The following ZFHX3 variants were observed in gnomAD, a reference collection of about 807,000 sequenced individuals.
ZFHX3 encodes the protein zinc finger homeobox protein 3.
ZFHX3 carries 42 observed loss-of-function variants against 279.1 expected under a neutral mutation model. The observed-to-expected ratio is 0.15, with a 90% CI of 0.12 to 0.19. ZFHX3 has a LOEUF of 0.19. Among genes scored for constraint, ZFHX3 ranks in the 10% least tolerant of loss-of-function variants. ZFHX3 has a pLI of 1.00. For synonymous variants in ZFHX3, 2,293 were observed against 1,957.8 expected, an observed-to-expected ratio of 1.17 and a Z score of -4.52; for missense variants, 4,981 against 4,754.0, an observed-to-expected ratio of 1.05 and a Z score of -1.40.
intron 5 of ZFHX3, among the ~76,000 whole-genome samples, chr16:72,828,902 G>C: frequency 6.6e-6 from 1 of 151,930 alleles, no homozygotes; most frequent in East Asian, 1.9e-4. Context: ...CGTTGCCCAG[G>C]CTGGTCTCGA....
intron 1 of ZFHX3, among the ~76,000 whole-genome samples, chr16:73,745,443 C>T (rs2053695089): frequency 6.6e-6 from 1 of 152,144 alleles, no homozygotes; most frequent in South Asian, 2.1e-4. Flanking sequence ...GGGTCAGACA[C>T]AAAGGCCCTC....
chr16:73,463,620 C>T (rs2018510364), intron 2 of ZFHX3, among the ~76,000 whole-genome samples: 1 of 151,984 alleles, frequency 6.6e-6, no homozygotes, highest in Non-Finnish European at 1.5e-5. Flanking sequence ...TGGACTTTTT[C>T]CCCGTCGAAC....
At chr16:73,861,622 T>C (rs1370641591) in intron 1 of ZFHX3, among the ~76,000 whole-genome samples, 1 of 152,188 alleles carries the variant, frequency 6.6e-6, no homozygotes, top group Non-Finnish European at 1.5e-5. Context: ...AGTGGGCCAT[T>C]GGCACCATGT....
At chr16:73,369,233 A>C (rs2016580337) in intron 3 of ZFHX3, among the ~76,000 whole-genome samples, 1 of 152,196 alleles carries the variant, frequency 6.6e-6, no homozygotes, top group African/African-American at 2.4e-5. Flanking sequence ...GCATGGATTT[A>C]GTAGGGTTGA....
At chr16:73,260,126 G>A (rs1233424671) in intron 4 of ZFHX3, among the ~76,000 whole-genome samples, 1 of 151,984 alleles carries the variant, frequency 6.6e-6, no homozygotes, top group Non-Finnish European at 1.5e-5. Flanking sequence ...AAGAGCGCTG[G>A]TGAGTTATTT....
chr16:72,796,464 G>A lies in ZFHX3; in HGVS notation c.6218C>T (p.Ser2073Leu). 6.2e-7 allele frequency: 1 copy of A among 1,608,544 alleles called. No individual in the cohort carries two copies. Among genetic ancestry groups the A allele is most frequent in the Non-Finnish European group, 8.5e-7 (1 of 1,179,840 alleles). Reference sequence around the variant, plus strand: ...TGGCTGGGCCGGTGCAATTGTAGGTGAGGTGATGGGTGGGGCTGATGCGGG... The same window carrying A: ...TGGCTGGGCCGGTGCAATTGTAGGTAAGGTGATGGGTGGGGCTGATGCGGG... ...AIPASAPPIT[S>L]PTIAPAQPSV... Residue 2073 changes from serine (S) to leucine (L), a missense_variant, in exon 9 of 10, where the codon TCA becomes TTA. Physicochemically the swap from Ser to Leu is moderately radical, Grantham distance 145. Transcript: ENST00000268489.
intron 2 of ZFHX3, among the ~76,000 whole-genome samples, chr16:73,546,559 G>C (rs1249656607): frequency 6.6e-6 from 1 of 152,024 alleles, no homozygotes; most frequent in African/African-American, 2.4e-5. Context: ...GCTAATGAAA[G>C]CGGCATGCGT....
intron 2 of ZFHX3, among the ~76,000 whole-genome samples, chr16:73,641,623 T>G (rs1312845330): frequency 6.6e-6 from 1 of 151,556 alleles, no homozygotes; most frequent in African/African-American, 2.4e-5. Context: ...GGGGACAGAG[T>G]TGATTCTTAC....
intron 8 of ZFHX3, among the ~76,000 whole-genome samples, chr16:73,080,931 C>A (rs1394879852): frequency 6.6e-6 from 1 of 152,118 alleles, no homozygotes; most frequent in Admixed American, 6.5e-5. Flanking sequence ...AGCTTCAGGT[C>A]TTTTCTAATA....
intron 2 of ZFHX3, among the ~76,000 whole-genome samples, chr16:72,952,797 G>A (rs1961057775): frequency 6.6e-6 from 1 of 152,192 alleles, no homozygotes; most frequent in East Asian, 1.9e-4. Flanking sequence ...ATTTCTACCA[G>A]GAGAATGGCT....
At chr16:73,242,686 C>T (rs1012187622) in intron 5 of ZFHX3, among the ~76,000 whole-genome samples, 1 of 152,198 alleles carries the variant, frequency 6.6e-6, no homozygotes, top group Admixed American at 6.5e-5. Flanking sequence ...GATATATAAA[C>T]CCTAAAGCTT....
intron 1 of ZFHX3, among the ~76,000 whole-genome samples, chr16:73,789,397 G>T (rs752161473): frequency 5.9e-5 from 9 of 151,864 alleles, no homozygotes; most frequent in Non-Finnish European, 1.2e-4. Context: ...AGCCAGGATG[G>T]TCTCTATTTC....
At chr16:73,698,277 A>C (rs2053215904) in intron 1 of ZFHX3, among the ~76,000 whole-genome samples, 1 of 152,228 alleles carries the variant, frequency 6.6e-6, no homozygotes, top group African/African-American at 2.4e-5. Flanking sequence ...AAAATGGAAG[A>C]GAAAAGATAG....
At chr16:73,040,538 G>C (rs560700428) in intron 1 of ZFHX3, among the ~76,000 whole-genome samples, 52 of 152,222 alleles carry the variant, frequency 3.4e-4, no homozygotes, top group African/African-American at 1.2e-3. Context: ...TGCCAGCCTG[G>C]GGAGGGGGAC....
chr16:73,580,692 T>G (rs770654441), intron 2 of ZFHX3, among the ~76,000 whole-genome samples: 15 of 151,806 alleles, frequency 9.9e-5, no homozygotes, highest in Non-Finnish European at 2.1e-4. Context: ...GTGGTTGCTT[T>G]GGGTTTGCTT....
At chr16:73,333,094 A>C (rs1171344257) in intron 3 of ZFHX3, among the ~76,000 whole-genome samples, 4 of 152,218 alleles carry the variant, frequency 2.6e-5, no homozygotes, top group African/African-American at 9.6e-5. Flanking sequence ...AGATAGATAC[A>C]TAGACATGTA....
chr16:73,070,938 G>GCACACACACACA (rs768410525), intron 8 of ZFHX3, among the ~76,000 whole-genome samples: 2 of 22,618 alleles, frequency 8.8e-5, no homozygotes, highest in African/African-American at 1.7e-4. Context: ...GCGCGCGCGC[G>GCACACACACACA]CACACACACA....
intron 3 of ZFHX3, among the ~76,000 whole-genome samples, chr16:73,384,128 T>C (rs1447192091): frequency 1.3e-5 from 2 of 152,382 alleles, no homozygotes; most frequent in East Asian, 1.9e-4. Context: ...TGATGTCAGA[T>C]GCTCTTGGCC....
chr16:73,709,796 G>C (rs1390922194), intron 1 of ZFHX3, among the ~76,000 whole-genome samples: 2 of 152,106 alleles, frequency 1.3e-5, no homozygotes, highest in African/African-American at 4.8e-5. Flanking sequence ...CGAAAAAATG[G>C]TAAGTATGTA....
Sources: allele counts gnomAD v4.1 joint callset (sites outside exome capture counted in the v4.1 genomes callset), GRCh38; gene constraint gnomAD v4.1.1; transcripts MANE v1.5; gene names NCBI Gene and HGNC (gene_info 2026-07-23, HGNC 2026-07-21).